Variants in ENTPD5 observed in about 807,000 individuals in gnomAD.
ENTPD5 encodes nucleoside diphosphate phosphatase ENTPD5.
In ENTPD5, 49 loss-of-function variants were observed where a neutral mutation model predicts 60.2. The ratio of observed to expected loss-of-function variants is 0.81; its 90% CI spans 0.65 to 1.03. The LOEUF is 1.03. Ranked by LOEUF, ENTPD5 falls within the 50% of genes least tolerant of loss-of-function variation. ENTPD5 has a pLI of 0.00. For missense variants in ENTPD5, 480 were observed against 507.6 expected, an observed-to-expected ratio of 0.95 and a Z score of 0.52; for synonymous variants, 187 against 185.4, an observed-to-expected ratio of 1.01 and a Z score of -0.07.
At chr14:73,955,895 C>T (rs1221368739), downstream of ENTPD5, 1 of 1,614,126 alleles carries the variant, frequency 6.2e-7, no homozygotes, top group South Asian at 1.1e-5. Context: ...TGTCATCATG[C>T]ATGCTCTCAC....
intron 3 of ENTPD5, chr14:74,009,242 A>T (rs545546753): frequency 6.6e-6 from 1 of 152,220 alleles, no homozygotes; most frequent in Non-Finnish European, 1.5e-5. Flanking sequence ...TATTGCCCCA[A>T]TGAAAAATCA....
downstream of ENTPD5, chr14:73,958,165 A>C (rs542245904): frequency 6.2e-7 from 1 of 1,613,862 alleles, no homozygotes; most frequent in Non-Finnish European, 8.5e-7. Flanking sequence ...ACGGTTCTCT[A>C]CAGGAGCAAA....
chr14:73,964,551 C>T lies in ENTPD5; in HGVS notation c.*2377G>A, dbSNP rs2056894161. 1 of 152,140 alleles carries T rather than the reference C, an allele frequency of 6.6e-6. No homozygotes were observed. Among genetic ancestry groups the T allele is most frequent in the Admixed American group, 6.5e-5 (1 of 15,272 alleles). The allele number at this position is 152,140 out of a possible 1,614,324, so 9.4% of individuals were successfully genotyped here. On this transcript the variant is annotated 3_prime_UTR_variant, in exon 16 of 16. Transcript: ENST00000334696. ...TATGTGTGTTTTACAAAATGGCCCC[C>T]ACAGTGATTAAAGACCAGAGACTTA...
intron 1 of ENTPD5, among the ~76,000 whole-genome samples, chr14:74,016,454 T>C (rs915031437): frequency 1.3e-5 from 2 of 152,122 alleles, no homozygotes; most frequent in South Asian, 2.1e-4. Context: ...CTAGGCAACA[T>C]GGCAAAACCC....
Position 73,966,935 on chromosome 14 carries a change from G to A in ENTPD5, c.1280C>T (p.Ser427Phe), listed in dbSNP as rs567584938. Residue 427 changes from serine (S) to phenylalanine (F), a missense_variant, in exon 16 of 16, where the codon TCC becomes TTC. Physicochemically the swap from Ser to Phe is radical, Grantham distance 155. Transcript: ENST00000334696. ...TFHLLQSLGI[S>F]H The stretch of plus-strand genomic sequence containing the variant: ...CCAAGGAAGTACGTGGCCTCAATGG[G>A]AGATGCCCAGAGACTGCAACAGGTG... 3 of 1,613,874 alleles carry A rather than the reference G, an allele frequency of 1.9e-6. No individual in the cohort carries two copies. The highest frequency in any genetic ancestry group is 4.5e-5 in the East Asian group (2 of 44,882).
intron 12 of ENTPD5, among the ~76,000 whole-genome samples, 186 bp from the exon 13 acceptor site, chr14:73,973,210 G>A (rs561774291): frequency 6.6e-6 from 1 of 152,326 alleles, no homozygotes; most frequent in African/African-American, 2.4e-5. Flanking sequence ...TCACCAGTCT[G>A]TTTCTCCATG....
intron 1 of ENTPD5, 38 bp downstream of exon 1, chr14:74,019,212 C>G (rs1392154961): frequency 6.2e-6 from 1 of 162,358 alleles, no homozygotes; most frequent in Non-Finnish European, 1.3e-5. Flanking sequence ...CCGGGCCCCA[C>G]GTAGAGGATC....
At chr14:74,009,028 C>T (rs913880291) in intron 3 of ENTPD5, 1 of 152,240 alleles carries the variant, frequency 6.6e-6, no homozygotes, top group African/African-American at 2.4e-5. Flanking sequence ...ACAATGAACT[C>T]ATTTGGGTGT....
intron 5 of ENTPD5, chr14:73,986,243 CTATTT>C (rs1047373725): frequency 2.6e-5 from 4 of 152,206 alleles, no homozygotes; most frequent in African/African-American, 7.2e-5. Flanking sequence ...CTGCATTATT[CTATTT>C]TATTTCAACA....
intron 1 of ENTPD5, among the ~76,000 whole-genome samples, chr14:74,016,902 C>T (rs2059030927): frequency 6.6e-6 from 1 of 152,166 alleles, no homozygotes; most frequent in Non-Finnish European, 1.5e-5. Context: ...TTTTCAGAAC[C>T]TTACACATAC....
At chr14:73,990,025 TAATA>T (rs1292211527) in intron 3 of ENTPD5, among the ~76,000 whole-genome samples, 2 of 150,918 alleles carry the variant, frequency 1.3e-5, no homozygotes, top group African/African-American at 2.4e-5. Flanking sequence ...TAAATAAATA[TAATA>T]AATAAATTAG....
rs757511455 is a variant in ENTPD5 at position 73,972,918 on chromosome 14, G to A, written c.993C>T (p.Tyr331=). ...CTGTGTCAACAGCTCGGTCATAATA[G>A]TAAGAGAAAGCATAGAAGGAACCTC... is the stretch of plus-strand genomic sequence containing the variant. ...VQRGSFYAFS[Y]YYDRAVDTDM... The change falls in exon 13 of 16, where the codon TAC becomes TAT. Residue 331 remains tyrosine (Y), a synonymous_variant. Coordinates refer to ENST00000334696, the MANE Select transcript of ENTPD5 (RefSeq NM_001249.5). 4 of 1,614,094 alleles carry A rather than the reference G, an allele frequency of 2.5e-6. No homozygotes were observed. The East Asian group carries it at 8.9e-5, about 36-fold the overall frequency.
downstream of ENTPD5, chr14:73,955,842 A>G (rs45496292): frequency 2.1e-3 from 3,367 of 1,614,088 alleles, 4 homozygotes; most frequent in Non-Finnish European, 2.4e-3. Flanking sequence ...ATAATGTTTG[A>G]TAAGGATAAT....
At chr14:73,977,874 G>A (rs2057509929) in intron 6 of ENTPD5, among the ~76,000 whole-genome samples, 1 of 152,186 alleles carries the variant, frequency 6.6e-6, no homozygotes, top group Non-Finnish European at 1.5e-5. Context: ...AGCATGGGGA[G>A]ACTCCAGATC....
At chr14:73,996,413 T>C (rs1301619033) in intron 3 of ENTPD5, 1 of 154,690 alleles carries the variant, frequency 6.5e-6, no homozygotes, top group African/African-American at 2.4e-5. Flanking sequence ...TGTGTTTTTG[T>C]TAGCCAAATA....
At chr14:73,955,469 A>G (rs1384505976), downstream of ENTPD5, 2 of 1,614,166 alleles carry the variant, frequency 1.2e-6, no homozygotes, top group Admixed American at 1.7e-5. Context: ...GCCTGGGACC[A>G]TATCTGCAAC....
At chr14:73,968,099 G>A (rs2057063832) in intron 15 of ENTPD5, among the ~76,000 whole-genome samples, 1 of 152,054 alleles carries the variant, frequency 6.6e-6, no homozygotes, top group Non-Finnish European at 1.5e-5. Flanking sequence ...ACTCCAGCCT[G>A]GGCAACAAGA....
At chr14:73,961,767 CAGAA>C (rs2056748122), downstream of ENTPD5, 1 of 1,614,182 alleles carries the variant, frequency 6.2e-7, no homozygotes, top group Non-Finnish European at 8.5e-7. Flanking sequence ...GGTTATGAAA[CAGAA>C]AGACAGCGTC....
chr14:73,966,606 T>G lies in ENTPD5; in HGVS notation c.*322A>C, dbSNP rs1345145028. 8.5e-6 allele frequency: 2 copies of G among 235,456 alleles called. No individual in the cohort carries two copies. The highest frequency in any genetic ancestry group is 1.7e-5 in the Non-Finnish European group (2 of 121,086). 14.6% of individuals were successfully genotyped at this position (235,456 alleles called of 1,614,324 possible). A position where few individuals can be genotyped will look rare whatever the true frequency, so the allele number is the denominator to read the frequency against. On this transcript the variant is annotated 3_prime_UTR_variant, in exon 16 of 16. Transcript: ENST00000334696. ...CAGTTTACCATTTAAGAGGAAAATT[T>G]AAATATTCAGTGGAATGAGGCACTC...
Sources: gnomAD v4.1 joint callset for allele counts (sites outside exome capture counted in the v4.1 genomes callset) on GRCh38, gnomAD v4.1.1 for gene constraint, MANE v1.5 for transcripts, NCBI Gene and HGNC (gene_info 2026-07-23, HGNC 2026-07-21) for gene names.